The following PPFIA2 variants were observed in gnomAD, a reference collection of about 807,000 sequenced individuals.
PPFIA2 encodes PPFI scaffold protein A2.
A neutral mutation model predicts 175.5 loss-of-function variants in PPFIA2; 46 were observed. That is an observed-to-expected ratio of 0.26 (90% CI 0.21 to 0.34). The LOEUF is 0.34. Among genes scored for constraint, PPFIA2 ranks in the 10% least tolerant of loss-of-function variants. The probability of loss-of-function intolerance (pLI) is 1.00; values close to 1 mark genes in which losing one functional copy is unlikely to be tolerated. For synonymous variants in PPFIA2, 568 were observed against 511.4 expected (o/e 1.11, Z -1.49); for missense variants, 1,179 against 1,506.1 (o/e 0.78, Z 3.60).
At chr12:81,495,689 T>G (rs1024602318) in intron 4 of PPFIA2, among the ~76,000 whole-genome samples, 1 of 152,040 alleles carries the variant, frequency 6.6e-6, no homozygotes, top group African/African-American at 2.4e-5. Flanking sequence ...ATGGTGAGCA[T>G]CTGTAGTCCC....
intron 5 of PPFIA2, among the ~76,000 whole-genome samples, chr12:81,457,304 A>T (rs1481695532): frequency 6.1e-5 from 9 of 148,488 alleles, no homozygotes; most frequent in Non-Finnish European, 1.3e-4. Context: ...TTTCCTTTTT[A>T]AAAAAATCTT....
rs535527235 is a variant in PPFIA2 at position 81,470,016 on chromosome 12, C to T, written c.304-12150G>A. 3.0e-4 allele frequency among the ~76,000 whole-genome samples: 45 copies of T among 152,284 alleles called. 1 individual carries two copies. In the South Asian group the frequency reaches 9.1e-3, roughly 31 times the overall value. On this transcript the variant is annotated intron_variant, in intron 4 of 32. Transcript: ENST00000549396. ...GATCTCAGGTTTCCAGCCTCCAGAACTGCGAGGAAATATATCTTTGTTGAT... is the reference window on the plus strand; with the variant it reads ...GATCTCAGGTTTCCAGCCTCCAGAATTGCGAGGAAATATATCTTTGTTGAT...
At chr12:81,373,301 T>A (rs547155327) in intron 11 of PPFIA2, among the ~76,000 whole-genome samples, 5 of 152,056 alleles carry the variant, frequency 3.3e-5, no homozygotes, top group African/African-American at 7.2e-5. Flanking sequence ...ATAACTCTTT[T>A]TGAAAGTCCT....
chr12:81,575,467 T>C (rs75846270), intron 4 of PPFIA2, among the ~76,000 whole-genome samples: 2,894 of 151,912 alleles, frequency 0.019, 49 homozygotes, highest in South Asian at 0.067. Context: ...ATTATAAATA[T>C]TGGCAATGTG....
intron 3 of PPFIA2, among the ~76,000 whole-genome samples, chr12:81,705,281 C>T (rs1464707481): frequency 1.3e-5 from 2 of 148,928 alleles, no homozygotes; most frequent in Non-Finnish European, 3.0e-5. Flanking sequence ...GGTGAAACCC[C>T]ATCTCTACTA....
At chr12:81,736,576 C>A (rs1043177645) in intron 3 of PPFIA2, among the ~76,000 whole-genome samples, 2 of 151,704 alleles carry the variant, frequency 1.3e-5, no homozygotes, top group Non-Finnish European at 2.9e-5. Flanking sequence ...GGAGGAAACG[C>A]CGGAGGAAGT....
chr12:81,559,192 A>G (rs2069448106), intron 4 of PPFIA2, among the ~76,000 whole-genome samples: 1 of 152,196 alleles, frequency 6.6e-6, no homozygotes, highest in Admixed American at 6.5e-5. Flanking sequence ...AATGTGGGTA[A>G]TATCAGCTAA....
chr12:81,522,144 A>G (rs1850526774), intron 4 of PPFIA2, among the ~76,000 whole-genome samples: 1 of 152,200 alleles, frequency 6.6e-6, no homozygotes, highest in African/African-American at 2.4e-5. Context: ...CTGGACAACA[A>G]ACATTCATTA....
At chr12:81,603,151 T>C (rs2059957515) in intron 4 of PPFIA2, among the ~76,000 whole-genome samples, 1 of 151,852 alleles carries the variant, frequency 6.6e-6, no homozygotes, top group Admixed American at 6.6e-5. Flanking sequence ...GCTGAGTTCA[T>C]TGTTCCTTAA....
Position 81,642,788 on chromosome 12 carries a change from TACATG to T in PPFIA2, c.303+33998_303+34002del, listed in dbSNP as rs2065422798. Among the ~76,000 whole-genome samples, 10 of 75,846 alleles carry T rather than the reference TACATG, an allele frequency of 1.3e-4. 5 individuals are homozygous for T. The highest frequency in any genetic ancestry group is 4.1e-4 in the African/African-American group (8 of 19,446). 49.8% of individuals were successfully genotyped at this position (75,846 alleles called of 152,430 possible). A position where few individuals can be genotyped will look rare whatever the true frequency, so the allele number is the denominator to read the frequency against. On this transcript the variant is annotated intron_variant, in intron 4 of 32. Coordinates refer to ENST00000549396, the MANE Select transcript of PPFIA2 (RefSeq NM_003625.5). Reference sequence around the variant, plus strand: ...TATATGTATGTATGTATTATATACATACATGTATATGTATGTATGTATTACATACA... The same window carrying T: ...TATATGTATGTATGTATTATATACATTATATGTATGTATGTATTACATACA...
intron 23 of PPFIA2, among the ~76,000 whole-genome samples, chr12:81,297,243 C>T (rs926005659): frequency 2.0e-5 from 3 of 152,176 alleles, no homozygotes; most frequent in Non-Finnish European, 2.9e-5. Flanking sequence ...AGACTCTGAG[C>T]AGAGGCCATC....
intron 7 of PPFIA2, among the ~76,000 whole-genome samples, chr12:81,415,537 T>A (rs1041173858): frequency 1.1e-4 from 16 of 149,814 alleles, no homozygotes; most frequent in African/African-American, 3.6e-4. Context: ...CTTTCTTGTA[T>A]CTAAATACAC....
intron 4 of PPFIA2, among the ~76,000 whole-genome samples, chr12:81,520,770 G>T (rs1323778283): frequency 6.6e-6 from 1 of 152,136 alleles, no homozygotes; most frequent in Non-Finnish European, 1.5e-5. Flanking sequence ...ACTTCTGTTG[G>T]TAAGAAATGC....
chr12:81,345,205 A>G (rs2058842782), intron 18 of PPFIA2, among the ~76,000 whole-genome samples: 1 of 152,080 alleles, frequency 6.6e-6, no homozygotes, highest in Non-Finnish European at 1.5e-5. Context: ...TCTCTTTCCC[A>G]CAAATGCCAA....
intron 18 of PPFIA2, among the ~76,000 whole-genome samples, chr12:81,347,032 G>A (rs1279947543): frequency 6.6e-6 from 1 of 151,888 alleles, no homozygotes; most frequent in Non-Finnish European, 1.5e-5. Context: ...TAGGCTCAAG[G>A]AATCCTGCTG....
chr12:81,590,955 G>C (rs2058603482), intron 4 of PPFIA2, among the ~76,000 whole-genome samples: 1 of 152,174 alleles, frequency 6.6e-6, no homozygotes, highest in Admixed American at 6.6e-5. Flanking sequence ...TTTGGAACTG[G>C]ATAACTGGCA....
chr12:81,514,006 C>A (rs1489570483), intron 4 of PPFIA2, among the ~76,000 whole-genome samples: 2 of 151,904 alleles, frequency 1.3e-5, no homozygotes, highest in East Asian at 1.9e-4. Context: ...TGTTTTTTAT[C>A]TTTTTGTTTA....
At chr12:81,325,718 T>C in intron 22 of PPFIA2, 59 bp downstream of exon 22, 1 of 1,229,374 alleles carries the variant, frequency 8.1e-7, no homozygotes. Context: ...TAATTCCCTA[T>C]AAATAATAAT....
At chr12:81,683,244 T>C (rs1024225980) in intron 3 of PPFIA2, among the ~76,000 whole-genome samples, 14 of 152,160 alleles carry the variant, frequency 9.2e-5, no homozygotes, top group Admixed American at 2.0e-4. Context: ...CTAAGTCTAT[T>C]GTAAAAATAC....
Sources: gnomAD v4.1 joint callset for allele counts (sites outside exome capture counted in the v4.1 genomes callset) on GRCh38, gnomAD v4.1.1 for gene constraint, MANE v1.5 for transcripts, NCBI Gene and HGNC (gene_info 2026-07-23, HGNC 2026-07-21) for gene names.